Variants in LIN28A observed in about 807,000 individuals in gnomAD.
LIN28A encodes protein lin-28 homolog A.
Under a neutral mutation model 21.1 loss-of-function variants are expected in LIN28A, and 11 were observed. The observed-to-expected ratio is 0.52, with a 90% CI of 0.33 to 0.86. The LOEUF (loss-of-function observed/expected upper bound fraction) is 0.86. Ranked by LOEUF, LIN28A falls within the 40% of genes least tolerant of loss-of-function variation. The pLI, the probability that LIN28A is intolerant of heterozygous loss-of-function variation, is 0.03. For synonymous variants in LIN28A, 111 were observed against 108.7 expected, an observed-to-expected ratio of 1.02 and a Z score of -0.13; for missense variants, 219 against 279.8, an observed-to-expected ratio of 0.78 and a Z score of 1.55.
chr1:26,425,805 A>T (rs1300820377), intron 3 of LIN28A, among the ~76,000 whole-genome samples: 1 of 152,250 alleles, frequency 6.6e-6, no homozygotes, highest in African/African-American at 2.4e-5. Flanking sequence ...GTGGGACAAG[A>T]CAGTATTATC....
Position 26,426,510 on chromosome 1 carries a change from G to A in LIN28A, c.*52G>A. On this transcript the variant is annotated 3_prime_UTR_variant, in exon 4 of 4. Transcript: ENST00000326279. Reference sequence around the variant, plus strand: ...TGCTATCAGGAAGTTTTGAGGAGCAGGCAGAGTGGAGAAAGTGGGAATAGG... The same window carrying A: ...TGCTATCAGGAAGTTTTGAGGAGCAAGCAGAGTGGAGAAAGTGGGAATAGG... 1.4e-6 allele frequency: 2 copies of A among 1,439,582 alleles called. No individual in the cohort carries two copies. The highest frequency in any genetic ancestry group is 1.9e-6 in the Non-Finnish European group (2 of 1,027,886). 89.2% of individuals were successfully genotyped at this position (1,439,582 alleles called of 1,614,324 possible). A position where few individuals can be genotyped will look rare whatever the true frequency, so the allele number is the denominator to read the frequency against.
intron 2 of LIN28A, among the ~76,000 whole-genome samples, chr1:26,415,721 T>C (rs1220367009): frequency 6.6e-6 from 1 of 151,974 alleles, no homozygotes; most frequent in Non-Finnish European, 1.5e-5. Context: ...GGGCACAACA[T>C]AGCACTATGA....
chr1:26,426,119 T>C (rs1350165754), intron 3 of LIN28A, 123 bp from the exon 4 acceptor site: 1 of 701,498 alleles, frequency 1.4e-6, no homozygotes, highest in African/African-American at 1.8e-5. Flanking sequence ...AGTGGGAAGT[T>C]TGGTCTCTGG....
In LIN28A at chr1:26,427,975, G is replaced by C. The variant is rs553281272; in HGVS notation, c.*1517G>C. 6.5e-6 allele frequency: 1 copy of C among 152,682 alleles called. No homozygotes were observed. Among genetic ancestry groups the C allele is most frequent in the Admixed American group, 6.5e-5 (1 of 15,278 alleles). The allele number at this position is 152,682 out of a possible 1,614,324, so 9.5% of individuals were successfully genotyped here. ...CAAACCTACCTTACTGTGTTGAAAC[G>C]GGACAAATGCAATAGAACGCATTGG... On this transcript the variant is annotated 3_prime_UTR_variant, in exon 4 of 4. Transcript: ENST00000326279.
chr1:26,420,877 T>C (rs1444547717), intron 2 of LIN28A, among the ~76,000 whole-genome samples: 1 of 152,166 alleles, frequency 6.6e-6, no homozygotes, highest in Non-Finnish European at 1.5e-5. Context: ...CTATTCTGGG[T>C]AGGGTCTGAG....
intron 2 of LIN28A, among the ~76,000 whole-genome samples, chr1:26,415,675 C>T (rs993538030): frequency 6.6e-6 from 1 of 151,284 alleles, no homozygotes; most frequent in Non-Finnish European, 1.5e-5. Context: ...TGTAGCTGCT[C>T]GCTTTCTGGG....
intron 2 of LIN28A, among the ~76,000 whole-genome samples, chr1:26,421,822 G>C (rs967789560): frequency 6.6e-6 from 1 of 151,810 alleles, no homozygotes; most frequent in African/African-American, 2.4e-5. Flanking sequence ...AAGGCTGCAA[G>C]AACAATACCC....
At chr1:26,415,092 C>T (rs1198356534) in intron 2 of LIN28A, among the ~76,000 whole-genome samples, 1 of 152,186 alleles carries the variant, frequency 6.6e-6, no homozygotes, top group African/African-American at 2.4e-5. Flanking sequence ...CTCCTCAGGA[C>T]CCAGATATGT....
intron 2 of LIN28A, among the ~76,000 whole-genome samples, chr1:26,419,634 T>C (rs2075017123): frequency 6.6e-6 from 1 of 152,206 alleles, no homozygotes; most frequent in Non-Finnish European, 1.5e-5. Flanking sequence ...AGGATTTATG[T>C]GTAGCAGGCG....
intron 2 of LIN28A, among the ~76,000 whole-genome samples, chr1:26,414,511 G>A (rs573487729): frequency 1.3e-5 from 2 of 152,288 alleles, no homozygotes; most frequent in South Asian, 4.1e-4. Context: ...TTCAAGAGTA[G>A]ATGAGTGGGG....
chr1:26,413,868 G>C (rs1490556165), intron 2 of LIN28A, among the ~76,000 whole-genome samples: 6 of 134,388 alleles, frequency 4.5e-5, no homozygotes, highest in Middle Eastern at 5.2e-3. Flanking sequence ...GCTCTTGTTG[G>C]CCAGGCTGGA....
chr1:26,420,130 G>A (rs2075020284), intron 2 of LIN28A, among the ~76,000 whole-genome samples: 1 of 151,886 alleles, frequency 6.6e-6, no homozygotes, highest in South Asian at 2.1e-4. Context: ...GCTAATTTTT[G>A]TATTATTTTG....
chr1:26,419,489 T>G lies in LIN28A; in HGVS notation c.229-5814T>G, dbSNP rs573973548. On this transcript the variant is annotated intron_variant, in intron 2 of 3. Coordinates refer to ENST00000326279, the MANE Select transcript of LIN28A (RefSeq NM_024674.6). ...CATAGAGGAAGGTGTTACTCTCCAG[T>G]CAACTGGGGCTTAGAGAGGGGATAT... Among the ~76,000 whole-genome samples the G allele has an allele frequency of 5.9e-5, 9 of 152,222 alleles. No homozygotes were observed. In the South Asian group the frequency reaches 1.9e-3, roughly 32 times the overall value.
At chr1:26,412,844 A>C (rs1019634954) in intron 2 of LIN28A, among the ~76,000 whole-genome samples, 1 of 152,096 alleles carries the variant, frequency 6.6e-6, no homozygotes. Flanking sequence ...AAATAGACGC[A>C]GGGAGATGGG....
At chr1:26,420,308 C>T (rs763133554) in intron 2 of LIN28A, among the ~76,000 whole-genome samples, 6 of 152,016 alleles carry the variant, frequency 3.9e-5, no homozygotes, top group Non-Finnish European at 7.4e-5. Flanking sequence ...TGTGAAACAG[C>T]GAGAGAGGTA....
chr1:26,419,437 C>T (rs981145909), intron 2 of LIN28A, among the ~76,000 whole-genome samples: 2 of 152,120 alleles, frequency 1.3e-5, no homozygotes, highest in Non-Finnish European at 1.5e-5. Context: ...TTTATATGAT[C>T]CTCTTAAAAT....
At chr1:26,412,361 C>T (rs915600468) in intron 2 of LIN28A, among the ~76,000 whole-genome samples, 1 of 152,132 alleles carries the variant, frequency 6.6e-6, no homozygotes, top group Non-Finnish European at 1.5e-5. Context: ...TCCTATTCTC[C>T]GCTTGGCATT....
chr1:26,421,167 T>C (rs570459828), intron 2 of LIN28A, among the ~76,000 whole-genome samples: 3 of 152,222 alleles, frequency 2.0e-5, no homozygotes, highest in Non-Finnish European at 4.4e-5. Context: ...GTTTTTTCTT[T>C]TAACAATATT....
chr1:26,421,123 T>C (rs913724862), intron 2 of LIN28A, among the ~76,000 whole-genome samples: 5 of 152,214 alleles, frequency 3.3e-5, no homozygotes, highest in Non-Finnish European at 7.3e-5. Context: ...CTAATAGGAT[T>C]ATTCCATACA....
Sources: gnomAD v4.1 joint callset for allele counts (sites outside exome capture counted in the v4.1 genomes callset) on GRCh38, gnomAD v4.1.1 for gene constraint, MANE v1.5 for transcripts, NCBI Gene and HGNC (gene_info 2026-07-23, HGNC 2026-07-21) for gene names.